Variants in FBXO34 observed in about 807,000 individuals in gnomAD.
The protein encoded by FBXO34 is F-box protein 34.
A neutral mutation model predicts 24.5 loss-of-function variants in FBXO34; 12 were observed. The ratio of observed to expected loss-of-function variants is 0.49; its 90% CI spans 0.31 to 0.79. FBXO34 has a LOEUF of 0.79. FBXO34 is among the 30% of genes least tolerant of loss of function. The probability of loss-of-function intolerance (pLI) is 0.04; values close to 1 mark genes in which losing one functional copy is unlikely to be tolerated. For synonymous variants in FBXO34, 320 were observed against 311.9 expected (o/e 1.03, Z -0.27); for missense variants, 823 against 857.7 (o/e 0.96, Z 0.51).
chr14:55,329,893 A>AAT lies in FBXO34; in HGVS notation c.-10-20475_-10-20474dup, dbSNP rs975878032. Among the ~76,000 whole-genome samples, 98 of 151,498 alleles carry AAT rather than the reference A, an allele frequency of 6.5e-4. 1 individual carries two copies. In the East Asian group the frequency reaches 0.012, roughly 19 times the overall value. ...GACTAGCGTTTTTACATTAAGATAAAATATATATATATATTTTTAAACTGC... is the reference window on the plus strand; with the variant it reads ...GACTAGCGTTTTTACATTAAGATAAAATATATATATATATATTTTTAAACTGC... On this transcript the variant is annotated intron_variant, in intron 1 of 1. Coordinates refer to ENST00000313833, the MANE Select transcript of FBXO34 (RefSeq NM_017943.4).
intron 1 of FBXO34, among the ~76,000 whole-genome samples, chr14:55,311,217 A>G (rs911341703): frequency 3.9e-5 from 6 of 152,196 alleles, no homozygotes; most frequent in African/African-American, 7.2e-5. Context: ...GGAACACAGG[A>G]GGAACTAGCA....
chr14:55,390,340 G>A, the FBXO34 span, among the ~76,000 whole-genome samples: 1 of 151,888 alleles, frequency 6.6e-6, no homozygotes, highest in South Asian at 2.1e-4. Context: ...CAAAGTGCTG[G>A]GATTACAGGC....
At chr14:55,392,717 G>A in the FBXO34 span, among the ~76,000 whole-genome samples, 2 of 151,234 alleles carry the variant, frequency 1.3e-5, no homozygotes, top group African/African-American at 2.4e-5. Flanking sequence ...TAATGACTCC[G>A]TAAAGTGAAT....
chr14:55,394,031 G>C, the FBXO34 span, among the ~76,000 whole-genome samples: 1 of 147,432 alleles, frequency 6.8e-6, no homozygotes, highest in South Asian at 2.1e-4. Context: ...TTTTGAGATG[G>C]AGTGTTGCTC....
At chr14:55,375,086 G>T in the FBXO34 span, among the ~76,000 whole-genome samples, 1 of 152,112 alleles carries the variant, frequency 6.6e-6, no homozygotes, top group African/African-American at 2.4e-5. Flanking sequence ...AATCATAAGG[G>T]TTTTCCCTGC....
chr14:55,370,871 C>T (rs1271520027), downstream of FBXO34, among the ~76,000 whole-genome samples: 1 of 152,232 alleles, frequency 6.6e-6, no homozygotes, highest in South Asian at 2.1e-4. Flanking sequence ...GAACTCCTGA[C>T]CTCAAGTGAT....
downstream of FBXO34, chr14:55,369,707 G>T: frequency 2.5e-6 from 4 of 1,610,156 alleles, no homozygotes; most frequent in South Asian, 2.2e-5. Flanking sequence ...GCTCGCGATG[G>T]GTGGGGACGC....
intron 1 of FBXO34, among the ~76,000 whole-genome samples, chr14:55,320,389 G>A: frequency 6.6e-6 from 1 of 152,198 alleles, no homozygotes; most frequent in East Asian, 1.9e-4. Context: ...ATGGTAGGGT[G>A]AATTTTTTGC....
At chr14:55,292,936 G>A (rs1881990537) in intron 1 of FBXO34, among the ~76,000 whole-genome samples, 2 of 152,110 alleles carry the variant, frequency 1.3e-5, no homozygotes, top group African/African-American at 4.8e-5. Flanking sequence ...AGGCTGAAGT[G>A]CAGTGGCACA....
chr14:55,414,258 G>T, the FBXO34 span: 2 of 716,376 alleles, frequency 2.8e-6, no homozygotes, highest in Non-Finnish European at 4.6e-6. Flanking sequence ...ACACAGAGTC[G>T]CCCTTTAATA....
At chr14:55,346,997 A>G (rs1884181204) in intron 1 of FBXO34, among the ~76,000 whole-genome samples, 1 of 152,126 alleles carries the variant, frequency 6.6e-6, no homozygotes, top group Non-Finnish European at 1.5e-5. Context: ...TCCAATTTCA[A>G]CCTAACATTA....
chr14:55,323,344 T>A (rs112870553), intron 1 of FBXO34, among the ~76,000 whole-genome samples: 3 of 140,334 alleles, frequency 2.1e-5, no homozygotes, highest in South Asian at 2.3e-4. Flanking sequence ...TGGGATTATA[T>A]GCGTGAGCCA....
chr14:55,306,031 T>A lies in FBXO34; in HGVS notation c.-11+34494T>A, dbSNP rs1348277491. On this transcript the variant is annotated intron_variant, in intron 1 of 1. Transcript: ENST00000313833. ...TTGATCAACTGAACTTTACATTCTA[T>A]CTTAAAGGCCTACTTAAATATGTGT... Among the ~76,000 whole-genome samples, 9 of 152,262 alleles carry A rather than the reference T, an allele frequency of 5.9e-5. No homozygotes were observed. In the East Asian group the frequency reaches 1.7e-3, roughly 29 times the overall value.
chr14:55,349,216 T>C (rs1258545494), intron 1 of FBXO34, among the ~76,000 whole-genome samples: 3 of 151,956 alleles, frequency 2.0e-5, no homozygotes, highest in Non-Finnish European at 4.4e-5. Flanking sequence ...ACATTTCAGC[T>C]GAGACCGAGA....
At chr14:55,382,321 T>C in the FBXO34 span, 18 of 740,020 alleles carry the variant, frequency 2.4e-5, no homozygotes, top group African/African-American at 3.5e-5. Context: ...AAATTTTTAT[T>C]TTTTATTTTA....
At chr14:55,272,420 G>A (rs1421983602) in intron 1 of FBXO34, 2 of 151,736 alleles carry the variant, frequency 1.3e-5, no homozygotes, top group African/African-American at 2.4e-5. Context: ...TTTGGAGGGT[G>A]TAATGTAAAA....
chr14:55,427,852 C>G, the FBXO34 span, among the ~76,000 whole-genome samples: 3 of 146,238 alleles, frequency 2.1e-5, no homozygotes, highest in Admixed American at 1.3e-4. Flanking sequence ...CACACACACA[C>G]AGATAGGGGA....
At chr14:55,369,027 GACAA>G (rs1884749382), downstream of FBXO34, 1 of 148,400 alleles carries the variant, frequency 6.7e-6, no homozygotes, top group African/African-American at 2.5e-5. Context: ...AGGAATGTCT[GACAA>G]ACTACGACAG....
At chr14:55,433,361 C>T in the FBXO34 span, among the ~76,000 whole-genome samples, 21 of 146,482 alleles carry the variant, frequency 1.4e-4, no homozygotes, top group African/African-American at 5.1e-4. Context: ...CTGTGTTGCC[C>T]AGGCTGGTCT....
Sources: gnomAD v4.1 joint callset for allele counts (sites outside exome capture counted in the v4.1 genomes callset) on GRCh38, gnomAD v4.1.1 for gene constraint, MANE v1.5 for transcripts, NCBI Gene and HGNC (gene_info 2026-07-23, HGNC 2026-07-21) for gene names.